SGCG: variants seen among roughly 807,000 people sequenced by gnomAD.
The protein encoded by SGCG is gamma-sarcoglycan.
A neutral mutation model predicts 29.3 loss-of-function variants in SGCG; 26 were observed. That is an observed-to-expected ratio of 0.89 (90% CI 0.65 to 1.23). The LOEUF (loss-of-function observed/expected upper bound fraction) is 1.23. Among genes scored for constraint, SGCG ranks in the 50% most tolerant of loss-of-function variants. The pLI is 0.00. For synonymous variants in SGCG, 145 were observed against 129.7 expected (o/e 1.12, Z -0.80); for missense variants, 353 against 356.0 (o/e 0.99, Z 0.07).
intron 1 of SGCG, among the ~76,000 whole-genome samples, chr13:23,186,232 C>T (rs9580559): frequency 0.023 from 3,459 of 152,328 alleles, 136 homozygotes; most frequent in African/African-American, 0.079. Flanking sequence ...TCCCAATGCA[C>T]TTGTGGTTCA....
At chr13:23,180,938 T>A (rs1190556646), upstream of SGCG, 5 of 152,222 alleles carry the variant, frequency 3.3e-5, no homozygotes, top group East Asian at 5.8e-4. Flanking sequence ...GTGAGAGCCC[T>A]TTCTCCAGGG....
chr13:23,172,946 T>C, the SGCG span, among the ~76,000 whole-genome samples: 1 of 152,242 alleles, frequency 6.6e-6, no homozygotes, highest in African/African-American at 2.4e-5. Flanking sequence ...TCAACAAAGA[T>C]ATGTGGTTGT....
rs139072866 is a variant in SGCG at position 23,295,444 on chromosome 13, G to A, written c.535G>A (p.Val179Met). The A allele has an allele frequency of 1.2e-5, 19 of 1,613,912 alleles. No individual in the cohort carries two copies. Among genetic ancestry groups the A allele is most frequent in the Non-Finnish European group, 1.4e-5 (17 of 1,179,968 alleles). The change falls in exon 6 of 8, where the codon GTG (valine) becomes ATG (methionine). Residue 179 changes from valine to methionine, a missense_variant. Val to Met is a conservative substitution (Grantham distance 21, BLOSUM62 1). Transcript: ENST00000218867. ...TGAAGGGGCTCTTTTTGAACATTCA[G>A]TGGAGACACCCCTTGTCAGAGCCGA... is the stretch of plus-strand genomic sequence containing the variant. The part of the protein sequence containing the change: ...GPEGALFEHS[V>M]ETPLVRADPF...
At chr13:23,273,125 G>T (rs539767154) in intron 4 of SGCG, among the ~76,000 whole-genome samples, 5 of 149,402 alleles carry the variant, frequency 3.3e-5, no homozygotes, top group South Asian at 2.1e-4. Context: ...TTCCTTCCTT[G>T]TGCTTTCTTT....
chr13:23,193,313 C>T (rs1361520572), intron 1 of SGCG, among the ~76,000 whole-genome samples: 2 of 152,132 alleles, frequency 1.3e-5, no homozygotes, highest in African/African-American at 4.8e-5. Flanking sequence ...TGGGAAGCCA[C>T]GAGTGACTTT....
At chr13:23,323,853 T>C (rs1427354628) in intron 7 of SGCG, among the ~76,000 whole-genome samples, 1 of 152,208 alleles carries the variant, frequency 6.6e-6, no homozygotes, top group Non-Finnish European at 1.5e-5. Flanking sequence ...AACTTCATCA[T>C]TCATGGGTAA....
chr13:23,161,304 C>T, the SGCG span, among the ~76,000 whole-genome samples: 1 of 152,222 alleles, frequency 6.6e-6, no homozygotes, highest in Non-Finnish European at 1.5e-5. Context: ...CTTGTTCTTA[C>T]ATCATTACCG....
intron 2 of SGCG, among the ~76,000 whole-genome samples, chr13:23,219,827 C>CTTTTTT (rs1184090222): frequency 3.7e-4 from 37 of 99,230 alleles, no homozygotes; most frequent in South Asian, 7.9e-4. Context: ...ATTTCTTTTC[C>CTTTTTT]TTTTTTTTTT....
In SGCG at chr13:23,248,997, G is replaced by GAA. The variant is rs147956071; in HGVS notation, c.298-1619_298-1618dup. ...CAGAGCCAGACTCTGTCACAGAAAA[G>GAA]AAAAAAAAAAAAAAACAAACCTCAA... On this transcript the variant is annotated intron_variant, in intron 3 of 7. Transcript: ENST00000218867. Among the ~76,000 whole-genome samples, 911 of 112,820 alleles carry GAA rather than the reference G, an allele frequency of 8.1e-3. 27 individuals are homozygous for GAA. Among genetic ancestry groups the GAA allele is most frequent in the African/African-American group, 0.018 (497 of 28,258 alleles). 74.0% of individuals were successfully genotyped at this position (112,820 alleles called of 152,430 possible). A position where few individuals can be genotyped will look rare whatever the true frequency, so the allele number is the denominator to read the frequency against.
At chr13:23,317,364 T>A (rs1882856228) in intron 6 of SGCG, among the ~76,000 whole-genome samples, 1 of 152,062 alleles carries the variant, frequency 6.6e-6, no homozygotes, top group Admixed American at 6.6e-5. Flanking sequence ...CCCAGACCTC[T>A]CAGGAATGAA....
At chr13:23,242,715 A>AAAG (rs1879556291) in intron 3 of SGCG, among the ~76,000 whole-genome samples, 1 of 152,304 alleles carries the variant, frequency 6.6e-6, no homozygotes, top group East Asian at 1.9e-4. Context: ...AATTTTAGAA[A>AAAG]TGATATAGTG....
chr13:23,205,550 G>A (rs573063844), intron 2 of SGCG, among the ~76,000 whole-genome samples: 3 of 152,234 alleles, frequency 2.0e-5, no homozygotes, highest in African/African-American at 7.2e-5. Flanking sequence ...TGAAATATGG[G>A]TGAATTAATT....
At chr13:23,248,589 G>C (rs1319144277) in intron 3 of SGCG, among the ~76,000 whole-genome samples, 1 of 151,768 alleles carries the variant, frequency 6.6e-6, no homozygotes, top group Non-Finnish European at 1.5e-5. Flanking sequence ...AGCTCTTCCG[G>C]AGGCTGAGGC....
chr13:23,274,655 CTCGTGA>C (rs1385863727), intron 4 of SGCG, among the ~76,000 whole-genome samples: 4 of 152,036 alleles, frequency 2.6e-5, no homozygotes, highest in African/African-American at 7.2e-5. Flanking sequence ...ATCTCCTGAC[CTCGTGA>C]TCCACCGGCC....
chr13:23,308,947 T>A (rs1739896398), intron 6 of SGCG, among the ~76,000 whole-genome samples: 1 of 152,182 alleles, frequency 6.6e-6, no homozygotes. Context: ...TTACACTGAA[T>A]TCATGCCTTT....
rs112955284 is a variant in SGCG at position 23,283,985 on chromosome 13, G to C, written c.505+4507G>C. On this transcript the variant is annotated intron_variant, in intron 5 of 7. Transcript: ENST00000218867. ...CTGCAGAGACATCCACTGTTAGTCT[G>C]ATGGGCTTCCCTTTATAGGTAACCC... 7.9e-3 allele frequency among the ~76,000 whole-genome samples: 1,204 copies of C among 152,296 alleles called. 19 individuals are homozygous for C. The highest frequency in any genetic ancestry group is 0.027 in the African/African-American group (1,114 of 41,544).
chr13:23,201,853 C>G (rs1877781529), intron 1 of SGCG, among the ~76,000 whole-genome samples: 1 of 152,194 alleles, frequency 6.6e-6, no homozygotes, highest in African/African-American at 2.4e-5. Flanking sequence ...GGCCACCCTT[C>G]CCCATCCAAT....
intron 2 of SGCG, among the ~76,000 whole-genome samples, chr13:23,220,030 A>G (rs1227867880): frequency 6.6e-6 from 1 of 151,392 alleles, no homozygotes. Context: ...TTTAGTAGAG[A>G]CATGGTTTCA....
At chr13:23,266,169 G>C (rs1011653804) in intron 4 of SGCG, among the ~76,000 whole-genome samples, 1 of 151,982 alleles carries the variant, frequency 6.6e-6, no homozygotes, top group Non-Finnish European at 1.5e-5. Context: ...CTACTCAAGA[G>C]GCTGAGGCAG....
Sources: allele counts gnomAD v4.1 joint callset (sites outside exome capture counted in the v4.1 genomes callset), GRCh38; gene constraint gnomAD v4.1.1; transcripts MANE v1.5; gene names NCBI Gene and HGNC (gene_info 2026-07-23, HGNC 2026-07-21).